Variants in DPP10 observed in about 807,000 individuals in gnomAD.
DPP10 encodes the protein inactive dipeptidyl peptidase 10.
In DPP10, 33 loss-of-function variants were observed where a neutral mutation model predicts 120.9. That is an observed-to-expected ratio of 0.27 (90% confidence interval 0.21 to 0.37). The LOEUF is 0.37. DPP10 is among the 10% of genes least tolerant of loss of function. The pLI, the probability that DPP10 is intolerant of heterozygous loss-of-function variation, is 1.00. For synonymous variants in DPP10, 337 were observed against 326.1 expected (o/e 1.03, Z -0.36); for missense variants, 816 against 942.8 (o/e 0.87, Z 1.76).
intron 5 of DPP10, among the ~76,000 whole-genome samples, chr2:115,628,554 G>A (rs867061733): frequency 1.3e-5 from 2 of 151,932 alleles, no homozygotes; most frequent in Non-Finnish European, 2.9e-5. Context: ...TTCTTTTGTT[G>A]TAATTGTTTT....
intron 1 of DPP10, among the ~76,000 whole-genome samples, chr2:114,623,075 T>G (rs1232834856): frequency 1.3e-5 from 2 of 151,986 alleles, no homozygotes; most frequent in Non-Finnish European, 2.9e-5. Flanking sequence ...GAAGTAGAGG[T>G]GTTACATAGG....
At chr2:115,406,156 G>A (rs534806119) in intron 3 of DPP10, among the ~76,000 whole-genome samples, 1 of 152,292 alleles carries the variant, frequency 6.6e-6, no homozygotes, top group Non-Finnish European at 1.5e-5. Context: ...AACATTTGCT[G>A]CTTAGATATG....
chr2:114,716,056 T>TAA (rs1558665308), intron 1 of DPP10, among the ~76,000 whole-genome samples: 2 of 151,094 alleles, frequency 1.3e-5, no homozygotes, highest in Non-Finnish European at 2.9e-5. Flanking sequence ...TGTCTTTTTT[T>TAA]TAAAAAAAAA....
At chr2:114,680,661 A>G (rs569819631) in intron 1 of DPP10, among the ~76,000 whole-genome samples, 2 of 152,128 alleles carry the variant, frequency 1.3e-5, no homozygotes, top group East Asian at 3.9e-4. Context: ...TAAAGTACAA[A>G]TGGCCTAATG....
chr2:115,679,569 G>T (rs1022420155), intron 5 of DPP10, among the ~76,000 whole-genome samples: 7 of 152,126 alleles, frequency 4.6e-5, no homozygotes, highest in African/African-American at 1.7e-4. Flanking sequence ...AGAAGTGTGA[G>T]AATGAATAGT....
At chr2:115,071,134 C>T (rs752567212) in intron 1 of DPP10, among the ~76,000 whole-genome samples, 2 of 152,142 alleles carry the variant, frequency 1.3e-5, no homozygotes, top group African/African-American at 2.4e-5. Flanking sequence ...AATTCATAAA[C>T]GTCCTTTCTC....
chr2:115,401,253 C>T (rs1451218774), intron 3 of DPP10, among the ~76,000 whole-genome samples: 1 of 152,112 alleles, frequency 6.6e-6, no homozygotes, highest in Non-Finnish European at 1.5e-5. Context: ...CCTTTGAGTA[C>T]ATCCTCTATC....
At chr2:115,143,860 AGCCTCT>A (rs1293931120) in intron 1 of DPP10, among the ~76,000 whole-genome samples, 2 of 152,226 alleles carry the variant, frequency 1.3e-5, no homozygotes, top group African/African-American at 4.8e-5. Flanking sequence ...TCTCAGATGC[AGCCTCT>A]GCCAATCTCG....
intron 1 of DPP10, among the ~76,000 whole-genome samples, chr2:114,843,127 A>C (rs753824944): frequency 6.6e-6 from 1 of 152,168 alleles, no homozygotes; most frequent in Non-Finnish European, 1.5e-5. Context: ...GGCATTTGCC[A>C]TCTTAATTTA....
chr2:114,766,803 T>A (rs1266671719), intron 1 of DPP10, among the ~76,000 whole-genome samples: 2 of 152,100 alleles, frequency 1.3e-5, no homozygotes, highest in Admixed American at 6.6e-5. Flanking sequence ...AGGATTTGAA[T>A]ATAGGTAGAG....
In DPP10 at chr2:115,279,655, CTTTTTTTTTTTTTTTT is replaced by C. The variant is rs70941039; in HGVS notation, c.61-29572_61-29557del. 3.3e-4 allele frequency among the ~76,000 whole-genome samples: 14 copies of C among 42,726 alleles called. No homozygotes were observed. The East Asian group carries it at 0.011, about 32-fold the overall frequency. The allele number at this position is 42,726 out of a possible 152,430, so 28.0% of individuals were successfully genotyped here. ...TTTCTTTCTTTCTTTTTTTCTTCTT[CTTTTTTTTTTTTTTTT>C]TTTTTTTTTTTGGAGACAGGATTTC... On this transcript the variant is annotated intron_variant, in intron 1 of 25. Transcript: ENST00000410059.
intron 1 of DPP10, among the ~76,000 whole-genome samples, chr2:115,004,878 G>A (rs886764323): frequency 9.2e-5 from 14 of 152,138 alleles, no homozygotes; most frequent in South Asian, 6.2e-4. Context: ...AGCTCAAGGA[G>A]GCCTGCCTGC....
intron 1 of DPP10, among the ~76,000 whole-genome samples, chr2:114,673,334 G>A (rs893211927): frequency 2.0e-5 from 3 of 152,016 alleles, no homozygotes; most frequent in Non-Finnish European, 4.4e-5. Flanking sequence ...CATAGTAAAT[G>A]GTTGTGTTAG....
intron 1 of DPP10, among the ~76,000 whole-genome samples, chr2:114,595,183 T>C (rs1262318472): frequency 6.6e-6 from 1 of 152,030 alleles, no homozygotes; most frequent in Non-Finnish European, 1.5e-5. Context: ...CTCTTGCTGG[T>C]GGTTAGATAA....
At chr2:115,211,459 C>G (rs533747962) in intron 1 of DPP10, among the ~76,000 whole-genome samples, 18 of 152,236 alleles carry the variant, frequency 1.2e-4, no homozygotes, top group African/African-American at 4.1e-4. Context: ...ACTGTTTCTG[C>G]TTATGAGAGT....
chr2:114,761,055 G>A (rs1052764725), intron 1 of DPP10, among the ~76,000 whole-genome samples: 5 of 152,016 alleles, frequency 3.3e-5, no homozygotes, highest in South Asian at 2.1e-4. Flanking sequence ...TGTTTTCTCC[G>A]TGTTGCAGCT....
intron 1 of DPP10, among the ~76,000 whole-genome samples, chr2:114,647,284 C>A (rs1696213149): frequency 6.6e-6 from 1 of 152,146 alleles, no homozygotes; most frequent in African/African-American, 2.4e-5. Context: ...CATTGGCTGT[C>A]TCCTGGGGTG....
At chr2:115,137,936 T>C (rs1048286309) in intron 1 of DPP10, among the ~76,000 whole-genome samples, 1 of 151,936 alleles carries the variant, frequency 6.6e-6, no homozygotes, top group Non-Finnish European at 1.5e-5. Context: ...CACAGAGAAA[T>C]GAAGGTCATC....
At chr2:115,249,414 C>T (rs1353498765) in intron 1 of DPP10, among the ~76,000 whole-genome samples, 2 of 152,078 alleles carry the variant, frequency 1.3e-5, no homozygotes, top group African/African-American at 4.8e-5. Flanking sequence ...ACATAAATCA[C>T]GTGGTAGAAG....
Sources: allele counts gnomAD v4.1 joint callset (sites outside exome capture counted in the v4.1 genomes callset), GRCh38; gene constraint gnomAD v4.1.1; transcripts MANE v1.5; gene names NCBI Gene and HGNC (gene_info 2026-07-23, HGNC 2026-07-21).